XPR1: variants seen among roughly 807,000 people sequenced by gnomAD.
XPR1 encodes the protein xenotropic and polytropic retrovirus receptor 1.
In XPR1, 28 loss-of-function variants were observed where a neutral mutation model predicts 87.5. That is an observed-to-expected ratio of 0.32 (90% CI 0.24 to 0.44). The LOEUF (loss-of-function observed/expected upper bound fraction) is 0.44. XPR1 is among the 20% of genes least tolerant of loss of function. The pLI is 1.00. For missense variants in XPR1, 559 were observed against 862.3 expected (o/e 0.65, Z 4.41); for synonymous variants, 300 against 306.1 (o/e 0.98, Z 0.21).
At chr1:180,657,732 C>T (rs1216495239) in intron 1 of XPR1, among the ~76,000 whole-genome samples, 1 of 152,010 alleles carries the variant, frequency 6.6e-6, no homozygotes, top group African/African-American at 2.4e-5. Context: ...GTGATTCCTC[C>T]AGTTTTCTTT....
rs1652814674 is a variant in XPR1 at position 180,880,426 on chromosome 1, A to G, written c.2030+129A>G. The G allele has an allele frequency of 1.4e-5, 13 of 953,162 alleles. No individual in the cohort carries two copies. The South Asian group carries it at 2.1e-4, about 15-fold the overall frequency. 59.0% of individuals were successfully genotyped at this position (953,162 alleles called of 1,614,324 possible). On this transcript the variant is annotated intron_variant, in intron 14 of 14. Coordinates refer to ENST00000367590, the MANE Select transcript of XPR1 (RefSeq NM_004736.4). ...ATACTCAGCCATTTTTCACCTACAA[A>G]AAAACAGTAATAAGCAGCAATTCCA...
intron 11 of XPR1, among the ~76,000 whole-genome samples, chr1:180,851,710 A>G (rs1651875294): frequency 6.6e-6 from 1 of 152,104 alleles, no homozygotes; most frequent in Non-Finnish European, 1.5e-5. Flanking sequence ...TAAGAAAGAT[A>G]TTGGAAGAGG....
chr1:180,813,371 G>A (rs189900563), intron 7 of XPR1, among the ~76,000 whole-genome samples: 48 of 152,274 alleles, frequency 3.2e-4, no homozygotes, highest in South Asian at 2.1e-4. Flanking sequence ...TTAGTAAAGC[G>A]TTCCCTGATC....
intron 2 of XPR1, among the ~76,000 whole-genome samples, chr1:180,773,581 A>G (rs765399742): frequency 7.9e-5 from 12 of 152,336 alleles, no homozygotes; most frequent in South Asian, 4.1e-4. Context: ...TGTATCTCAT[A>G]TAATGCTACA....
intron 4 of XPR1, among the ~76,000 whole-genome samples, 159 bp from the exon 5 acceptor site, chr1:180,805,903 G>A (rs1257894986): frequency 6.6e-6 from 1 of 152,176 alleles, no homozygotes; most frequent in Non-Finnish European, 1.5e-5. Context: ...AAAAAGAAGA[G>A]TCATCCTTTT....
intron 11 of XPR1, among the ~76,000 whole-genome samples, chr1:180,858,868 A>C (rs1358069374): frequency 6.6e-6 from 1 of 152,158 alleles, no homozygotes; most frequent in Non-Finnish European, 1.5e-5. Context: ...AAGATCGGGG[A>C]ATATCTATAT....
intron 2 of XPR1, among the ~76,000 whole-genome samples, chr1:180,705,435 A>T (rs761508208): frequency 1.3e-5 from 2 of 152,126 alleles, no homozygotes; most frequent in Non-Finnish European, 2.9e-5. Flanking sequence ...GCCTATATTT[A>T]CTCTGAAACA....
chr1:180,685,692 A>G (rs543727763), intron 2 of XPR1, among the ~76,000 whole-genome samples: 18 of 152,114 alleles, frequency 1.2e-4, no homozygotes, highest in African/African-American at 2.2e-4. Context: ...CAGAGATTCA[A>G]CTTCTTCATG....
At chr1:180,687,258 GTTTCTTGTATT>G (rs1231652073) in intron 2 of XPR1, among the ~76,000 whole-genome samples, 1 of 152,042 alleles carries the variant, frequency 6.6e-6, no homozygotes, top group Non-Finnish European at 1.5e-5. Context: ...GCTGGAGCAT[GTTTCTTGTATT>G]TTTTAAATTT....
intron 3 of XPR1, among the ~76,000 whole-genome samples, chr1:180,795,403 A>G (rs1415330856): frequency 2.0e-5 from 3 of 152,182 alleles, no homozygotes; most frequent in African/African-American, 7.2e-5. Context: ...TATGGCGTTA[A>G]CATATTATTA....
chr1:180,674,886 G>C (rs1656314446), intron 1 of XPR1, among the ~76,000 whole-genome samples: 2 of 152,132 alleles, frequency 1.3e-5, no homozygotes, highest in South Asian at 4.1e-4. Context: ...TTGGCAGTCA[G>C]CACCACATTG....
At chr1:180,793,207 C>T (rs949008197) in intron 3 of XPR1, among the ~76,000 whole-genome samples, 6 of 151,892 alleles carry the variant, frequency 4.0e-5, no homozygotes, top group East Asian at 1.9e-4. Context: ...AATGCAAGAC[C>T]GATTAGATAA....
At chr1:180,728,411 A>G (rs533081874) in intron 2 of XPR1, among the ~76,000 whole-genome samples, 13 of 152,196 alleles carry the variant, frequency 8.5e-5, no homozygotes, top group East Asian at 5.8e-4. Flanking sequence ...GGAAAATGCA[A>G]TTACTTAGAG....
chr1:180,648,733 C>T (rs1655198987), intron 1 of XPR1, among the ~76,000 whole-genome samples: 1 of 152,146 alleles, frequency 6.6e-6, no homozygotes, highest in Non-Finnish European at 1.5e-5. Flanking sequence ...GTCTCAGACT[C>T]CTGACCCCAG....
At chr1:180,819,760 G>A (rs1044622866) in intron 7 of XPR1, among the ~76,000 whole-genome samples, 2 of 152,174 alleles carry the variant, frequency 1.3e-5, no homozygotes, top group Admixed American at 6.5e-5. Context: ...GCTCATGCCT[G>A]TAATCCTAGC....
chr1:180,671,015 A>G (rs1473744424), intron 1 of XPR1, among the ~76,000 whole-genome samples: 1 of 152,226 alleles, frequency 6.6e-6, no homozygotes, highest in East Asian at 1.9e-4. Flanking sequence ...GGCAACAGTA[A>G]AAAAAGGCAA....
chr1:180,787,551 T>A (rs1649203018), intron 2 of XPR1, among the ~76,000 whole-genome samples: 1 of 152,236 alleles, frequency 6.6e-6, no homozygotes. Flanking sequence ...AGTACTGGGA[T>A]TACAGGCATG....
chr1:180,683,418 A>G (rs1019711890), intron 2 of XPR1, among the ~76,000 whole-genome samples: 5 of 152,158 alleles, frequency 3.3e-5, no homozygotes, highest in African/African-American at 9.7e-5. Context: ...TAGTGCTGCT[A>G]TAAACATACG....
chr1:180,689,252 C>T (rs958792804), intron 2 of XPR1, among the ~76,000 whole-genome samples: 8 of 152,024 alleles, frequency 5.3e-5, no homozygotes, highest in Non-Finnish European at 1.2e-4. Context: ...TATTTGACAA[C>T]AAAAGAGAAT....
Sources: gnomAD v4.1 joint callset for allele counts (sites outside exome capture counted in the v4.1 genomes callset) on GRCh38, gnomAD v4.1.1 for gene constraint, MANE v1.5 for transcripts, NCBI Gene and HGNC (gene_info 2026-07-23, HGNC 2026-07-21) for gene names.